The following EIF3A variants were observed in gnomAD, a reference collection of about 807,000 sequenced individuals.
EIF3A encodes EIF3, p180 subunit.
In EIF3A, 21 loss-of-function variants were observed where a neutral mutation model predicts 186.6. The ratio of observed to expected loss-of-function variants is 0.11; its 90% CI spans 0.08 to 0.16. The LOEUF is 0.16. EIF3A is among the 10% of genes least tolerant of loss of function. EIF3A has a pLI of 1.00. For missense variants in EIF3A, 1,306 were observed against 1,796.3 expected (o/e 0.73, Z 4.93); for synonymous variants, 563 against 584.3 (o/e 0.96, Z 0.52).
rs762013834 is a variant in EIF3A at position 119,042,714 on chromosome 10, G to A, written c.2806C>T (p.Arg936Trp). ...EDRSHRRDEE[R>W]PRRLGDDEDR... ...TCATCATCCCCCAGACGCCGGGGCC[G>A]CTCTTCATCTCTTCTATGAGACCTG... The change falls in exon 19 of 22, where the codon CGG becomes TGG. Residue 936 changes from arginine (R) to tryptophan (W), a missense_variant. Arg to Trp is a moderately radical substitution (Grantham distance 101, BLOSUM62 -3). Around this residue, in one of 8 missense-constraint regions of EIF3A, gnomAD observed 410 missense variants for 473.5 expected, o/e 0.87. Coordinates refer to ENST00000369144, the MANE Select transcript of EIF3A (RefSeq NM_003750.4). The surrounding 1 kb of genome is among the most constrained non-coding windows in gnomAD (Gnocchi z 7.8). 2 of 1,613,490 alleles carry A rather than the reference G, an allele frequency of 1.2e-6. No individual in the cohort carries two copies. The highest frequency in any genetic ancestry group is 1.7e-6 in the Non-Finnish European group (2 of 1,180,000).
At chr10:119,043,209 A>G (rs1375160978) in intron 18 of EIF3A, among the ~76,000 whole-genome samples, 2 of 152,002 alleles carry the variant, frequency 1.3e-5, no homozygotes, top group Non-Finnish European at 2.9e-5. Flanking sequence ...TCTTGAGGTC[A>G]GGAGTTCAAG....
chr10:119,075,879 A>AT (rs58100835), intron 1 of EIF3A, among the ~76,000 whole-genome samples: 58,908 of 94,022 alleles, frequency 0.63, 19,945 homozygotes, highest in Non-Finnish European at 0.72. Flanking sequence ...CGCCTGGCTA[A>AT]TTTTTTTTTT....
At chr10:119,077,034 G>A (rs1035672804) in intron 1 of EIF3A, among the ~76,000 whole-genome samples, 3 of 152,010 alleles carry the variant, frequency 2.0e-5, no homozygotes, top group Admixed American at 6.6e-5. Context: ...GAGTAAATGC[G>A]TTTAATGGAA....
intron 9 of EIF3A, chr10:119,060,244 G>A: frequency 1.3e-5 from 6 of 463,008 alleles, no homozygotes; most frequent in Non-Finnish European, 2.5e-5. Flanking sequence ...TAAAATATAT[G>A]AAAAGGCTGT....
At position 119,049,706 on chromosome 10, in the gene EIF3A, G is replaced by GCCTGGGCAA; in HGVS notation, c.2658+86_2658+94dup. 3 of 1,128,454 alleles carry GCCTGGGCAA rather than the reference G, an allele frequency of 2.7e-6. No homozygotes were observed. In the Admixed American group the frequency reaches 6.5e-5, roughly 24 times the overall value. The allele number at this position is 1,128,454 out of a possible 1,614,324, so 69.9% of individuals were successfully genotyped here. A position where few individuals can be genotyped will look rare whatever the true frequency, so the allele number is the denominator to read the frequency against. ...GCTGAGATTGCACCACTGTACTCCA[G>GCCTGGGCAA]CCTGGGCAACCTGGGCGACAGAGCA... On this transcript the variant is annotated intron_variant, in intron 17 of 21. Coordinates refer to ENST00000369144, the MANE Select transcript of EIF3A (RefSeq NM_003750.4).
intron 1 of EIF3A, among the ~76,000 whole-genome samples, chr10:119,077,365 C>T (rs1844192702): frequency 1.3e-5 from 2 of 151,816 alleles, no homozygotes; most frequent in Admixed American, 1.3e-4. Context: ...GCAGGAGAAT[C>T]GCTTGAGCCT....
intron 19 of EIF3A, among the ~76,000 whole-genome samples, chr10:119,041,524 ACTGCACCACTGCATTCCAGC>A (rs1848209497): frequency 6.6e-6 from 1 of 152,230 alleles, no homozygotes; most frequent in Non-Finnish European, 1.5e-5. Flanking sequence ...GTGAGCCATG[ACTGCACCACTGCATTCCAGC>A]CTGTGCAACA....
In EIF3A at chr10:119,080,594, G is replaced by C. The variant is rs1844249386; in HGVS notation, c.49+34C>G. On this transcript the variant is annotated intron_variant, in intron 1 of 21. Coordinates refer to ENST00000369144, the MANE Select transcript of EIF3A (RefSeq NM_003750.4). ...CTCTCGACCTCGGAGGCCTCGGGCCGCCCCAGCCCGGCGCGCCCCGATCAG... is the reference window on the plus strand; with the variant it reads ...CTCTCGACCTCGGAGGCCTCGGGCCCCCCCAGCCCGGCGCGCCCCGATCAG... The C allele has an allele frequency of 5.8e-6, 9 of 1,563,208 alleles. No homozygotes were observed. In the East Asian group the frequency reaches 2.2e-4, roughly 38 times the overall value.
intron 15 of EIF3A, 149 bp from the exon 16 acceptor site, chr10:119,050,823 G>A: frequency 1.2e-6 from 1 of 849,722 alleles, no homozygotes; most frequent in Non-Finnish European, 1.8e-6. Flanking sequence ...ACTTCCAAAT[G>A]ACCATTAACT....
intron 1 of EIF3A, among the ~76,000 whole-genome samples, chr10:119,079,865 C>A (rs949581793): frequency 6.6e-6 from 1 of 152,230 alleles, no homozygotes; most frequent in Non-Finnish European, 1.5e-5. Flanking sequence ...GGAAACCTCT[C>A]TCTAGGCCTG....
intron 19 of EIF3A, among the ~76,000 whole-genome samples, chr10:119,041,748 C>T (rs1389752737): frequency 6.6e-6 from 1 of 152,112 alleles, no homozygotes; most frequent in African/African-American, 2.4e-5. Context: ...TTCAAAGAAG[C>T]AGTCATCGAA....
chr10:119,042,865 C>T lies in EIF3A; in HGVS notation c.2748-93G>A, dbSNP rs770450761. On this transcript the variant is annotated intron_variant, in intron 18 of 21. Coordinates refer to ENST00000369144, the MANE Select transcript of EIF3A (RefSeq NM_003750.4). This position sits in a 1 kb window ranked among gnomAD's most constrained non-coding sequence, Gnocchi z 7.8. ...TTTTTCACATGCTTTTTAAAAACTTCAGTATGGGCCGGAGCAGTGGCTCGC... is the reference window on the plus strand; with the variant it reads ...TTTTTCACATGCTTTTTAAAAACTTTAGTATGGGCCGGAGCAGTGGCTCGC... The T allele has an allele frequency of 2.5e-4, 326 of 1,329,652 alleles. 1 individual carries two copies. The highest frequency in any genetic ancestry group is 2.7e-4 in the Admixed American group (11 of 41,368). 82.4% of individuals were successfully genotyped at this position (1,329,652 alleles called of 1,614,324 possible).
intron 11 of EIF3A, 93 bp from the exon 12 acceptor site, chr10:119,058,396 CCTTT>C (rs1196882634): frequency 2.4e-6 from 2 of 835,964 alleles, no homozygotes; most frequent in Admixed American, 5.6e-5. Flanking sequence ...TGATGTACTG[CCTTT>C]CTATGTATCT....
rs1234275205 is a variant in EIF3A, at chr10:119,077,104, A to C, written c.50-3167T>G. Among the ~76,000 whole-genome samples, 3 of 152,292 alleles carry C rather than the reference A, an allele frequency of 2.0e-5. No homozygotes were observed. The East Asian group carries it at 5.8e-4, about 29-fold the overall frequency. Reference sequence around the variant, plus strand: ...AAATGACCTATTGTATCCAACTCCTAATCTAAAAAGGGCTTGCTTAAAGAT... The same window carrying C: ...AAATGACCTATTGTATCCAACTCCTCATCTAAAAAGGGCTTGCTTAAAGAT... On this transcript the variant is annotated intron_variant, in intron 1 of 21. Transcript: ENST00000369144.
At chr10:119,062,670 C>G (rs1241256040) in intron 7 of EIF3A, among the ~76,000 whole-genome samples, 2 of 151,804 alleles carry the variant, frequency 1.3e-5, no homozygotes, top group African/African-American at 4.8e-5. Flanking sequence ...ATTCTACTTC[C>G]AGCCAATTGT....
At chr10:119,079,063 G>T (rs1258349720) in intron 1 of EIF3A, among the ~76,000 whole-genome samples, 1 of 152,032 alleles carries the variant, frequency 6.6e-6, no homozygotes, top group African/African-American at 2.4e-5. Context: ...TCTAACTTTC[G>T]AAACGACGAA....
chr10:119,052,399 TTTTAAGACAGG>T (rs1848371022), intron 14 of EIF3A, among the ~76,000 whole-genome samples: 13 of 149,092 alleles, frequency 8.7e-5, no homozygotes, highest in Admixed American at 1.3e-4. Context: ...TGTGTGTGTG[TTTTAAGACAGG>T]GTCTGTCTCT....
At chr10:119,074,043 T>C in intron 1 of EIF3A, 106 bp from the exon 2 acceptor site, 1 of 932,754 alleles carries the variant, frequency 1.1e-6, no homozygotes, top group Non-Finnish European at 1.5e-6. Flanking sequence ...ACCAACTTTT[T>C]ACCAAGTTAC....
In EIF3A at chr10:119,034,139, C is replaced by T. The variant is rs1176583996; in HGVS notation, c.*1900G>A. On this transcript the variant is annotated 3_prime_UTR_variant, in exon 22 of 22. Transcript: ENST00000369144. ...TTCCTTTAACACCTGTTGGTAAATA[C>T]TAATGGGAGTAGACAGAGTTGTATG... 6.0e-6 allele frequency: 1 copy of T among 167,094 alleles called. No individual in the cohort carries two copies. The highest frequency in any genetic ancestry group is 1.5e-5 in the Non-Finnish European group (1 of 68,134). The allele number at this position is 167,094 out of a possible 1,614,324, so 10.4% of individuals were successfully genotyped here. A position where few individuals can be genotyped will look rare whatever the true frequency, so the allele number is the denominator to read the frequency against.
Sources: gnomAD v4.1 joint callset for allele counts (sites outside exome capture counted in the v4.1 genomes callset) on GRCh38, gnomAD v4.1.1 for gene constraint, gnomAD v4.1.1 regional missense constraint, Gnocchi (gnomAD v3.1) non-coding constraint, MANE v1.5 for transcripts, NCBI Gene and HGNC (gene_info 2026-07-23, HGNC 2026-07-21) for gene names.